Variants in EYS observed in about 807,000 individuals in gnomAD.
EYS encodes EGF-like photoreceptor maintenance factor.
In EYS, 250 loss-of-function variants were observed where a neutral mutation model predicts 282.1. The observed-to-expected ratio is 0.89, with a 90% CI of 0.80 to 0.98. EYS has a LOEUF of 0.98. Ranked by LOEUF, EYS falls within the 50% of genes least tolerant of loss-of-function variation. The probability of loss-of-function intolerance (pLI) is 0.00; values close to 1 mark genes in which losing one functional copy is unlikely to be tolerated. For missense variants in EYS, 4,016 were observed against 3,709.0 expected (o/e 1.08, Z -2.15); for synonymous variants, 1,355 against 1,282.9 (o/e 1.06, Z -1.20).
At chr6:63,880,485 C>A (rs5004367) in intron 35 of EYS, among the ~76,000 whole-genome samples, 24,596 of 104,318 alleles carry the variant, frequency 0.24, 2,036 homozygotes, top group Admixed American at 0.28. Context: ...GTCTGTCTGT[C>A]TGTATCTATC....
intron 35 of EYS, among the ~76,000 whole-genome samples, chr6:63,918,845 C>T (rs1764491458): frequency 1.3e-5 from 2 of 152,190 alleles, no homozygotes; most frequent in South Asian, 4.1e-4. Context: ...TAATTAGTTA[C>T]AAGCACCTTT....
chr6:65,004,523 G>C (rs1326169247), intron 13 of EYS, among the ~76,000 whole-genome samples: 1 of 147,648 alleles, frequency 6.8e-6, no homozygotes, highest in Non-Finnish European at 1.5e-5. Flanking sequence ...CTCACAGCGT[G>C]GACCTGAAAA....
At chr6:64,911,013 C>A (rs1767974824) in intron 16 of EYS, among the ~76,000 whole-genome samples, 1 of 151,848 alleles carries the variant, frequency 6.6e-6, no homozygotes, top group Non-Finnish European at 1.5e-5. Flanking sequence ...TACTTATACT[C>A]TCAGAAATAA....
intron 22 of EYS, among the ~76,000 whole-genome samples, chr6:64,667,351 T>C (rs1769269563): frequency 6.6e-6 from 1 of 151,920 alleles, no homozygotes; most frequent in Non-Finnish European, 1.5e-5. Context: ...AGAATCCCAT[T>C]TTGTTACACC....
chr6:65,650,056 G>A (rs1319390994), intron 1 of EYS, among the ~76,000 whole-genome samples: 11 of 152,082 alleles, frequency 7.2e-5, no homozygotes, highest in Admixed American at 7.2e-4. Flanking sequence ...TGTTTTATCT[G>A]AATTATTTAA....
chr6:64,034,040 A>T (rs954922598), intron 33 of EYS, among the ~76,000 whole-genome samples: 6 of 152,228 alleles, frequency 3.9e-5, no homozygotes, highest in Admixed American at 6.5e-5. Flanking sequence ...GGAAGTAAAA[A>T]TGGATCTAGA....
intron 21 of EYS, among the ~76,000 whole-genome samples, chr6:64,818,358 G>T (rs1279015319): frequency 6.6e-6 from 1 of 151,850 alleles, no homozygotes; most frequent in Non-Finnish European, 1.5e-5. Flanking sequence ...TTGTCACTTG[G>T]ACAAAAAACA....
intron 31 of EYS, among the ~76,000 whole-genome samples, chr6:64,147,864 G>A (rs368131061): frequency 7.9e-5 from 12 of 152,168 alleles, no homozygotes; most frequent in African/African-American, 2.7e-4. Context: ...ATGGAGTGCA[G>A]CTTCCCTGCA....
At chr6:64,013,350 C>T (rs1361270623) in intron 33 of EYS, among the ~76,000 whole-genome samples, 1 of 152,130 alleles carries the variant, frequency 6.6e-6, no homozygotes, top group African/African-American at 2.4e-5. Flanking sequence ...TGTAAATGCC[C>T]AGAATTCTCT....
At chr6:64,435,809 T>C (rs149285441) in intron 28 of EYS, among the ~76,000 whole-genome samples, 1 of 152,008 alleles carries the variant, frequency 6.6e-6, no homozygotes, top group East Asian at 1.9e-4. Context: ...GCCATTTTAA[T>C]TTCCTTCTTT....
intron 7 of EYS, among the ~76,000 whole-genome samples, chr6:65,401,399 T>C (rs1017749869): frequency 6.6e-6 from 1 of 151,322 alleles, no homozygotes; most frequent in African/African-American, 2.4e-5. Flanking sequence ...TGTATTTGTT[T>C]TTTTTTTTAA....
At chr6:65,671,250 A>T (rs1408504478) in intron 1 of EYS, among the ~76,000 whole-genome samples, 1 of 152,252 alleles carries the variant, frequency 6.6e-6, no homozygotes, top group South Asian at 2.1e-4. Flanking sequence ...CAGAACGATC[A>T]AATTTGTAAA....
At chr6:64,874,642 T>C (rs1315229115) in intron 19 of EYS, among the ~76,000 whole-genome samples, 1 of 152,092 alleles carries the variant, frequency 6.6e-6, no homozygotes, top group Non-Finnish European at 1.5e-5. Context: ...ACGAAGTCAG[T>C]AGAAGAAATC....
chr6:64,976,391 A>C (rs979676586), intron 14 of EYS, among the ~76,000 whole-genome samples: 1 of 151,892 alleles, frequency 6.6e-6, no homozygotes, highest in African/African-American at 2.4e-5. Flanking sequence ...AACATGAACT[A>C]AGTGGTTTAT....
intron 26 of EYS, among the ~76,000 whole-genome samples, chr6:64,530,412 G>T (rs879842819): frequency 6.6e-6 from 1 of 151,742 alleles, no homozygotes; most frequent in Non-Finnish European, 1.5e-5. Flanking sequence ...ATATCTGCAG[G>T]ACATGTGTTC....
At chr6:65,501,329 T>C (rs1011614560) in intron 2 of EYS, among the ~76,000 whole-genome samples, 2 of 151,940 alleles carry the variant, frequency 1.3e-5, no homozygotes, top group Non-Finnish European at 1.5e-5. Flanking sequence ...CTTTTGTAGA[T>C]GATTAAAATG....
Position 63,720,630 on chromosome 6 carries a change from A to G in EYS, c.9401T>C (p.Val3134Ala), listed in dbSNP as rs2149623403. Residue 3134 changes from valine to alanine, a missense_variant, in exon 43 of 43, where the codon GTT becomes GCT. By Grantham distance (64) the Val-to-Ala change is moderately conservative. Transcript: ENST00000503581. ...CTCATTTTGTTCATCTCCATCATAA[A>G]CATTGTATCCTTCTAATTTAATTAG... ...IELIKLEGYNVYDGDEQNEVT is the reference protein window; with the variant it reads ...IELIKLEGYNAYDGDEQNEVT The G allele has an allele frequency of 6.6e-7, 1 of 1,510,858 alleles. No individual in the cohort carries two copies. The allele number at this position is 1,510,858 out of a possible 1,614,324, so 93.6% of individuals were successfully genotyped here. A position where few individuals can be genotyped will look rare whatever the true frequency, so the allele number is the denominator to read the frequency against.
At chr6:65,431,087 TC>T (rs1390176382) in intron 5 of EYS, among the ~76,000 whole-genome samples, 1 of 152,184 alleles carries the variant, frequency 6.6e-6, no homozygotes, top group Non-Finnish European at 1.5e-5. Context: ...CACTTAAGAA[TC>T]TTCTACACTA....
chr6:65,329,510 C>T (rs763529464), intron 11 of EYS: 1 of 981,554 alleles, frequency 1.0e-6, no homozygotes, highest in Non-Finnish European at 1.2e-6. Flanking sequence ...CTAGTGGTTT[C>T]AAGACTGGCC....
Sources: allele counts gnomAD v4.1 joint callset (sites outside exome capture counted in the v4.1 genomes callset), GRCh38; gene constraint gnomAD v4.1.1; transcripts MANE v1.5; gene names NCBI Gene and HGNC (gene_info 2026-07-23, HGNC 2026-07-21).